The following NTM variants were observed in gnomAD, a reference collection of about 807,000 sequenced individuals.
The protein encoded by NTM is IgLON family member 2.
In NTM, 13 loss-of-function variants were observed where a neutral mutation model predicts 42.1. That is an observed-to-expected ratio of 0.31 (90% CI 0.20 to 0.49). NTM has a LOEUF of 0.49. Ranked by LOEUF, NTM falls within the 20% of genes least tolerant of loss-of-function variation. The pLI is 0.99. For missense variants in NTM, 373 were observed against 452.8 expected (o/e 0.82, Z 1.60); for synonymous variants, 187 against 179.2 (o/e 1.04, Z -0.35).
chr11:131,430,214 A>T (rs1948540949), intron 1 of NTM, among the ~76,000 whole-genome samples: 1 of 152,216 alleles, frequency 6.6e-6, no homozygotes, highest in South Asian at 2.1e-4. Context: ...AAAATACAAC[A>T]TGCTTAAGGC....
chr11:131,767,105 C>T (rs1231326300), intron 1 of NTM: 1 of 975,704 alleles, frequency 1.0e-6, no homozygotes, highest in Admixed American at 6.2e-5. Flanking sequence ...CTGGACAAGG[C>T]AGTAAGTAAG....
intron 1 of NTM, among the ~76,000 whole-genome samples, chr11:131,880,827 G>A (rs1387121476): frequency 6.6e-6 from 1 of 151,392 alleles, no homozygotes; most frequent in African/African-American, 2.4e-5. Context: ...TGCCCCCAAA[G>A]CTGGGGTTAG....
chr11:131,946,502 A>G (rs549692391), intron 2 of NTM, among the ~76,000 whole-genome samples: 1 of 152,342 alleles, frequency 6.6e-6, no homozygotes, highest in Non-Finnish European at 1.5e-5. Flanking sequence ...AAGGAGAGAA[A>G]GAGAAGGAAC....
chr11:132,116,998 G>A (rs2063993257), intron 2 of NTM, among the ~76,000 whole-genome samples: 1 of 152,164 alleles, frequency 6.6e-6, no homozygotes, highest in Non-Finnish European at 1.5e-5. Context: ...TTTCTCAAGA[G>A]GTGAGACTAT....
chr11:132,333,401 T>C (rs185270601), intron 8 of NTM, among the ~76,000 whole-genome samples: 1 of 152,262 alleles, frequency 6.6e-6, no homozygotes, highest in Admixed American at 6.5e-5. Flanking sequence ...TTCCAAAGAA[T>C]GTGCTCTGTA....
chr11:131,618,187 A>G (rs1382446796), intron 1 of NTM, among the ~76,000 whole-genome samples: 2 of 152,224 alleles, frequency 1.3e-5, no homozygotes, highest in Non-Finnish European at 2.9e-5. Context: ...GCAGAAATTC[A>G]GCACATCCAA....
intron 4 of NTM, among the ~76,000 whole-genome samples, chr11:132,244,020 T>C (rs115904338): frequency 0.014 from 2,166 of 152,326 alleles, 34 homozygotes; most frequent in African/African-American, 0.041. Flanking sequence ...ATCAGGTTCT[T>C]GAATTCTTTC....
At chr11:132,008,064 C>T (rs1038843394) in intron 2 of NTM, among the ~76,000 whole-genome samples, 8 of 152,138 alleles carry the variant, frequency 5.3e-5, no homozygotes, top group Non-Finnish European at 1.0e-4. Context: ...GGAAATACAC[C>T]TAGTCCTCTG....
At chr11:131,516,029 T>C (rs926498822) in intron 1 of NTM, among the ~76,000 whole-genome samples, 1 of 152,256 alleles carries the variant, frequency 6.6e-6, no homozygotes, top group Non-Finnish European at 1.5e-5. Flanking sequence ...ATGAGCTAAA[T>C]GGAACTTATT....
intron 1 of NTM, among the ~76,000 whole-genome samples, chr11:131,476,672 G>A (rs7936638): frequency 0.015 from 2,286 of 152,170 alleles, 71 homozygotes; most frequent in African/African-American, 0.051. Context: ...AAAGGAGAGA[G>A]CCTAAAGACA....
At position 131,965,609 on chromosome 11, in the gene NTM, A is replaced by G. The variant is rs1031210779; in HGVS notation, c.167+53961A>G. Among the ~76,000 whole-genome samples, 17 of 152,310 alleles carry G rather than the reference A, an allele frequency of 1.1e-4. No individual in the cohort carries two copies. The East Asian group carries it at 2.7e-3, about 24-fold the overall frequency. On this transcript the variant is annotated intron_variant, in intron 2 of 8. Transcript: ENST00000683400. ...TCCTCATGCTAATGATGAAGAATAG[A>G]AGCTTAACGAGGTTGAGTGCTTTGA...
chr11:131,530,874 A>G (rs962492593), intron 1 of NTM, among the ~76,000 whole-genome samples: 1 of 152,238 alleles, frequency 6.6e-6, no homozygotes, highest in Admixed American at 6.5e-5. Flanking sequence ...TACGGAGGCA[A>G]TTAAGGAAGA....
At chr11:132,150,558 G>A (rs73036021) in intron 3 of NTM, among the ~76,000 whole-genome samples, 71 of 152,270 alleles carry the variant, frequency 4.7e-4, no homozygotes, top group Non-Finnish European at 9.1e-4. Flanking sequence ...TTTGGAAAGA[G>A]AATGGAAATT....
intron 1 of NTM, among the ~76,000 whole-genome samples, chr11:131,541,693 A>G (rs1266710237): frequency 1.3e-5 from 2 of 152,260 alleles, no homozygotes; most frequent in African/African-American, 2.4e-5. Flanking sequence ...ATCAGAGTCT[A>G]TCATCTAAAA....
chr11:132,203,341 T>C (rs2081429532), intron 3 of NTM, among the ~76,000 whole-genome samples: 2 of 152,176 alleles, frequency 1.3e-5, no homozygotes, highest in African/African-American at 4.8e-5. Flanking sequence ...TAAAAAGTGA[T>C]TTCTTAACAT....
Position 131,866,093 on chromosome 11 carries a change from G to GCACA in NTM, c.83-45460_83-45457dup, listed in dbSNP as rs772583516. 9.5e-3 allele frequency among the ~76,000 whole-genome samples: 1,234 copies of GCACA among 129,588 alleles called. 17 individuals are homozygous for GCACA. The highest frequency in any genetic ancestry group is 0.026 in the Middle Eastern group (6 of 234). The allele number at this position is 129,588 out of a possible 152,430, so 85.0% of individuals were successfully genotyped here. On this transcript the variant is annotated intron_variant, in intron 1 of 8. Coordinates refer to ENST00000683400, the MANE Select transcript of NTM (RefSeq NM_001352005.2). ...CCACACACTCTCACACATGCTACATGCACACACACACACATGCTGCACACA... is the reference window on the plus strand; with the variant it reads ...CCACACACTCTCACACATGCTACATGCACACACACACACACACATGCTGCACACA...
chr11:132,155,919 C>CA (rs1190003326), intron 3 of NTM, among the ~76,000 whole-genome samples: 1 of 152,162 alleles, frequency 6.6e-6, no homozygotes, highest in African/African-American at 2.4e-5. Flanking sequence ...CAGCAGCTCT[C>CA]ACAGCCACTG....
chr11:132,034,204 C>T (rs890177786), intron 2 of NTM, among the ~76,000 whole-genome samples: 5 of 152,162 alleles, frequency 3.3e-5, no homozygotes, highest in Admixed American at 1.3e-4. Context: ...TCTGGGAATT[C>T]TAACTCTCTC....
rs542499693 is a variant in NTM at position 131,498,699 on chromosome 11, C to T, written c.82+127811C>T. Among the ~76,000 whole-genome samples, 3 of 152,284 alleles carry T rather than the reference C, an allele frequency of 2.0e-5. No homozygotes were observed. The South Asian group carries it at 6.2e-4, about 32-fold the overall frequency. Reference sequence around the variant, plus strand: ...GCTCATTCCTATTCTGGAATGGTGGCCTCTGGGCTGATCTGGGGCCTGAAA... The same window carrying T: ...GCTCATTCCTATTCTGGAATGGTGGTCTCTGGGCTGATCTGGGGCCTGAAA... On this transcript the variant is annotated intron_variant, in intron 1 of 8. Coordinates refer to ENST00000683400, the MANE Select transcript of NTM (RefSeq NM_001352005.2).
Sources: allele counts gnomAD v4.1 joint callset (sites outside exome capture counted in the v4.1 genomes callset), GRCh38; gene constraint gnomAD v4.1.1; transcripts MANE v1.5; gene names NCBI Gene and HGNC (gene_info 2026-07-23, HGNC 2026-07-21).